Variants in TRERF1 observed in about 807,000 individuals in gnomAD.
The protein encoded by TRERF1 is transcriptional regulating factor 1.
In TRERF1, 27 loss-of-function variants were observed where a neutral mutation model predicts 122.9. The observed-to-expected ratio is 0.22, with a 90% CI of 0.16 to 0.30. TRERF1 has a LOEUF of 0.30. TRERF1 is among the 10% of genes least tolerant of loss of function. The pLI is 1.00. For missense variants in TRERF1, 1,248 were observed against 1,560.3 expected (o/e 0.80, Z 3.37); for synonymous variants, 636 against 641.7 (o/e 0.99, Z 0.13).
At chr6:42,241,189 C>A (rs1338706706) in intron 15 of TRERF1, among the ~76,000 whole-genome samples, 2 of 151,986 alleles carry the variant, frequency 1.3e-5, no homozygotes, top group Non-Finnish European at 2.9e-5. Context: ...TGGGTGATCA[C>A]ATGTTTTTTA....
In TRERF1 at chr6:42,276,836, C is replaced by T. The variant is rs1210032374; in HGVS notation, c.-258-6988G>A. 2.0e-5 allele frequency among the ~76,000 whole-genome samples: 3 copies of T among 152,160 alleles called. No individual in the cohort carries two copies. The highest frequency in any genetic ancestry group is 4.8e-5 in the African/African-American group (2 of 41,434). On this transcript the variant is annotated intron_variant, in intron 4 of 17. Coordinates refer to ENST00000372922, the Ensembl canonical transcript of TRERF1. The surrounding 1 kb of genome is among the most constrained non-coding windows in gnomAD (Gnocchi z 4.3). ...GCAGCAAGAAACATTCATTTCTCTA[C>T]CCTCAGGTCTCACCCTGTAGCATCA...
chr6:42,229,296 C>A (rs749596308), intron 17 of TRERF1, among the ~76,000 whole-genome samples: 3 of 152,250 alleles, frequency 2.0e-5, no homozygotes, highest in South Asian at 2.1e-4. Context: ...TACCACCATG[C>A]CTGGCTAATT....
At chr6:42,254,775 T>G (rs1776430205) in intron 13 of TRERF1, 76 bp downstream of exon 13, 1 of 1,385,988 alleles carries the variant, frequency 7.2e-7, no homozygotes, top group African/African-American at 1.4e-5. Flanking sequence ...TATCCATTGC[T>G]AGAAAGTGAC....
At chr6:42,326,016 C>A (rs1764221750) in intron 3 of TRERF1, among the ~76,000 whole-genome samples, 1 of 152,140 alleles carries the variant, frequency 6.6e-6, no homozygotes. Context: ...ACACAGGGGA[C>A]TACAAAATGC....
chr6:42,227,310 C>A (rs1769684706), exon 18 of TRERF1: 6 of 152,166 alleles, frequency 3.9e-5, no homozygotes, highest in Admixed American at 3.9e-4. Context: ...AAACTTCAGT[C>A]CAGCGGATGT....
At chr6:42,305,441 T>C (rs925841820) in intron 3 of TRERF1, among the ~76,000 whole-genome samples, 3 of 152,124 alleles carry the variant, frequency 2.0e-5, no homozygotes, top group Non-Finnish European at 2.9e-5. Context: ...CACTGCTGTC[T>C]GAGTTAAGGG....
At chr6:42,293,020 G>A (rs1485157835) in intron 4 of TRERF1, among the ~76,000 whole-genome samples, 1 of 152,166 alleles carries the variant, frequency 6.6e-6, no homozygotes, top group Non-Finnish European at 1.5e-5. Context: ...CCCCCTTTAA[G>A]GAACTGGGGA....
At chr6:42,251,097 G>C (rs1184957838) in intron 13 of TRERF1, among the ~76,000 whole-genome samples, 1 of 147,418 alleles carries the variant, frequency 6.8e-6, no homozygotes, top group African/African-American at 2.5e-5. Flanking sequence ...CTTGGGTTCA[G>C]GCAACTCTCT....
rs140648257 is a variant in TRERF1 at position 42,269,299 on chromosome 6, G to A, written c.292C>T (p.Arg98Cys). Reference sequence around the variant, plus strand: ...ATGTTTGAGTTGGCCAGGTTTCCACGTAGCTGGACATGGTTTCCAGGCCCT... The same window carrying A: ...ATGTTTGAGTTGGCCAGGTTTCCACATAGCTGGACATGGTTTCCAGGCCCT... The change falls in exon 5 of 18, where the codon CGT becomes TGT. Residue 98 changes from arginine to cysteine, a missense_variant. Around this residue, in one of 5 missense-constraint regions of TRERF1, gnomAD observed 946 missense variants for 1,073.0 expected, o/e 0.88. Transcript: ENST00000372922. The surrounding 1 kb of genome is among the most constrained non-coding windows in gnomAD (Gnocchi z 4.9). 2.1e-4 allele frequency: 347 copies of A among 1,614,170 alleles called. 1 individual carries two copies. The African/African-American group carries it at 3.5e-3, about 16-fold the overall frequency.
chr6:42,285,299 A>G (rs1349938522), intron 4 of TRERF1, among the ~76,000 whole-genome samples: 1 of 152,142 alleles, frequency 6.6e-6, no homozygotes, highest in African/African-American at 2.4e-5. Flanking sequence ...TTGTTGGTGT[A>G]TAAGAATGCT....
At chr6:42,353,367 A>C (rs113562984) in intron 3 of TRERF1, among the ~76,000 whole-genome samples, 4,065 of 152,164 alleles carry the variant, frequency 0.027, 196 homozygotes, top group African/African-American at 0.093. Context: ...CGCATGGATC[A>C]TCTGAGGACA....
intron 3 of TRERF1, among the ~76,000 whole-genome samples, chr6:42,302,576 C>T (rs866613385): frequency 6.6e-6 from 1 of 152,146 alleles, no homozygotes; most frequent in African/African-American, 2.4e-5. Flanking sequence ...GAAATTCTAG[C>T]GATAAGCACA....
chr6:42,430,757 C>T lies in TRERF1; in HGVS notation c.-454+20420G>A, dbSNP rs549420521. On this transcript the variant is annotated intron_variant, in intron 2 of 17. Transcript: ENST00000372922. ...ACTAAAATACAAAAAATTAGCCAGG[C>T]GTGGTGGTGCATGCCTATACTCCCA... 1.2e-4 allele frequency among the ~76,000 whole-genome samples: 18 copies of T among 152,176 alleles called. No homozygotes were observed. In the East Asian group the frequency reaches 2.1e-3, roughly 18 times the overall value.
intron 2 of TRERF1, among the ~76,000 whole-genome samples, chr6:42,370,836 C>T (rs1457372811): frequency 6.6e-6 from 1 of 152,174 alleles, no homozygotes; most frequent in African/African-American, 2.4e-5. Flanking sequence ...TCTGAGGTCA[C>T]CCCCTATCAG....
At chr6:42,371,015 A>G (rs1243689227) in intron 2 of TRERF1, among the ~76,000 whole-genome samples, 1 of 152,182 alleles carries the variant, frequency 6.6e-6, no homozygotes, top group African/African-American at 2.4e-5. Context: ...TCAGGCCCAC[A>G]ACCTGTAAAT....
chr6:42,401,746 G>A (rs1779419425), intron 2 of TRERF1, among the ~76,000 whole-genome samples: 1 of 152,146 alleles, frequency 6.6e-6, no homozygotes, highest in Non-Finnish European at 1.5e-5. Flanking sequence ...GAGGGAACAT[G>A]CTGTGCCTGG....
At chr6:42,338,435 T>C (rs1388989644) in intron 3 of TRERF1, among the ~76,000 whole-genome samples, 2 of 152,162 alleles carry the variant, frequency 1.3e-5, no homozygotes, top group African/African-American at 2.4e-5. Flanking sequence ...AAATTCAAAA[T>C]GGTGCTAAAG....
chr6:42,307,227 G>A (rs1031216234), intron 3 of TRERF1, among the ~76,000 whole-genome samples: 1 of 152,026 alleles, frequency 6.6e-6, no homozygotes, highest in African/African-American at 2.4e-5. Context: ...AATTCCAGAA[G>A]AAGAAAACAA....
At chr6:42,397,145 C>T (rs1049619861) in intron 2 of TRERF1, among the ~76,000 whole-genome samples, 1 of 152,118 alleles carries the variant, frequency 6.6e-6, no homozygotes, top group African/African-American at 2.4e-5. Flanking sequence ...TAAAATTACA[C>T]TGTAACAGAG....
Sources: gnomAD v4.1 joint callset for allele counts (sites outside exome capture counted in the v4.1 genomes callset) on GRCh38, gnomAD v4.1.1 for gene constraint, gnomAD v4.1.1 regional missense constraint, Gnocchi (gnomAD v3.1) non-coding constraint, MANE v1.5 for transcripts, NCBI Gene and HGNC (gene_info 2026-07-23, HGNC 2026-07-21) for gene names.